Variants in KCNMA1 observed in about 807,000 individuals in gnomAD.
KCNMA1 encodes the protein potassium calcium-activated channel subfamily M alpha 1, also known as Calcium-activated potassium channel subunit alpha-1.
In KCNMA1, 29 loss-of-function variants were observed where a neutral mutation model predicts 140.0. The observed-to-expected ratio is 0.21, with a 90% CI of 0.15 to 0.28. KCNMA1 has a LOEUF of 0.28. Ranked by LOEUF, KCNMA1 falls within the 10% of genes least tolerant of loss-of-function variation. KCNMA1 has a pLI of 1.00. For missense variants in KCNMA1, 880 were observed against 1,602.2 expected, an observed-to-expected ratio of 0.55 and a Z score of 7.70; for synonymous variants, 612 against 611.9, an observed-to-expected ratio of 1.00 and a Z score of 0.00.
intron 23 of KCNMA1, among the ~76,000 whole-genome samples, chr10:76,921,835 A>G (rs79817686): frequency 0.011 from 1,600 of 152,350 alleles, 24 homozygotes; most frequent in African/African-American, 0.034. Flanking sequence ...GAAAAACCTC[A>G]GTTTAACCTT....
chr10:77,170,313 T>A lies in KCNMA1; in HGVS notation c.808+13108A>T, dbSNP rs138173982. On this transcript the variant is annotated intron_variant, in intron 5 of 27. Transcript: ENST00000286628. ...GCCTGGGCATCTCAGTGTCTGCAAGTGAGATGACTGGGAAAGAAGATTTGT... is the reference window on the plus strand; with the variant it reads ...GCCTGGGCATCTCAGTGTCTGCAAGAGAGATGACTGGGAAAGAAGATTTGT... Among the ~76,000 whole-genome samples, 237 of 152,346 alleles carry A rather than the reference T, an allele frequency of 1.6e-3. 2 individuals are homozygous for A. The highest frequency in any genetic ancestry group is 9.1e-3 in the East Asian group (47 of 5,172).
At chr10:77,459,394 A>G (rs1276984692) in intron 1 of KCNMA1, among the ~76,000 whole-genome samples, 1 of 152,268 alleles carries the variant, frequency 6.6e-6, no homozygotes, top group Non-Finnish European at 1.5e-5. Context: ...TTTGTGATCT[A>G]CAGCAGGCAG....
rs2093909725 is a variant in KCNMA1 at position 77,637,666 on chromosome 10, A to C, written c.-24T>G. ...ATAGCTAGCAACGGGCAGCCGGCGC[A>C]GGGGCTCGGGGGAGCTCCTCCCGCC... On this transcript the variant is annotated 5_prime_UTR_variant, in exon 1 of 28. Coordinates refer to ENST00000286628, the MANE Select transcript of KCNMA1 (RefSeq NM_001161352.2). 1 of 1,485,528 alleles carries C rather than the reference A, an allele frequency of 6.7e-7. No individual in the cohort carries two copies. Among genetic ancestry groups the C allele is most frequent in the Non-Finnish European group, 8.9e-7 (1 of 1,125,926 alleles). The allele number at this position is 1,485,528 out of a possible 1,614,324, so 92.0% of individuals were successfully genotyped here.
intron 1 of KCNMA1, among the ~76,000 whole-genome samples, chr10:77,462,188 A>G (rs1290428202): frequency 6.6e-6 from 1 of 152,158 alleles, no homozygotes; most frequent in Non-Finnish European, 1.5e-5. Flanking sequence ...ACACATGCAC[A>G]CTAACATAAA....
At chr10:77,336,751 C>T (rs1364568775) in intron 2 of KCNMA1, among the ~76,000 whole-genome samples, 1 of 152,198 alleles carries the variant, frequency 6.6e-6, no homozygotes, top group Non-Finnish European at 1.5e-5. Flanking sequence ...TCAGCTGACA[C>T]AGCCAGAGAG....
At chr10:77,619,015 G>A (rs1400769607) in intron 1 of KCNMA1, among the ~76,000 whole-genome samples, 1 of 152,170 alleles carries the variant, frequency 6.6e-6, no homozygotes, top group Non-Finnish European at 1.5e-5. Context: ...GGTGTGGAGA[G>A]CTTGGGAAGA....
intron 12 of KCNMA1, among the ~76,000 whole-genome samples, chr10:77,082,002 CTTTTCTTT>C (rs1401537780): frequency 2.0e-3 from 104 of 51,586 alleles, no homozygotes; most frequent in Non-Finnish European, 3.7e-3. Flanking sequence ...TTCTTTTTTT[CTTTTCTTT>C]TTTTTTTTTT....
At chr10:77,387,672 C>T (rs2095663854) in intron 2 of KCNMA1, among the ~76,000 whole-genome samples, 1 of 146,366 alleles carries the variant, frequency 6.8e-6, no homozygotes, top group South Asian at 2.2e-4. Context: ...GGTTGGAGTC[C>T]AGTAGCGTGA....
At chr10:77,357,838 T>C (rs2093627654) in intron 2 of KCNMA1, among the ~76,000 whole-genome samples, 1 of 152,110 alleles carries the variant, frequency 6.6e-6, no homozygotes, top group African/African-American at 2.4e-5. Context: ...AACTGTAAGC[T>C]GGTGAAATGC....
chr10:77,080,377 C>T (rs1219742355), intron 12 of KCNMA1, among the ~76,000 whole-genome samples: 1 of 152,178 alleles, frequency 6.6e-6, no homozygotes, highest in Non-Finnish European at 1.5e-5. Context: ...TCCTTCTGCC[C>T]TACCATCAGC....
rs139197950 is a variant in KCNMA1 at position 77,153,514 on chromosome 10, G to A, written c.808+29907C>T. Reference sequence around the variant, plus strand: ...AGCGTCCTGCATAGCTGGGACTACAGGCATGCACCTCTACATCCAGCTAAT... The same window carrying A: ...AGCGTCCTGCATAGCTGGGACTACAAGCATGCACCTCTACATCCAGCTAAT... On this transcript the variant is annotated intron_variant, in intron 5 of 27. Transcript: ENST00000286628. Among the ~76,000 whole-genome samples the A allele has an allele frequency of 4.7e-3, 712 of 152,152 alleles. 3 individuals are homozygous for A. The highest frequency in any genetic ancestry group is 7.7e-3 in the Admixed American group (118 of 15,278).
chr10:77,029,599 T>C (rs1215660735), intron 15 of KCNMA1, among the ~76,000 whole-genome samples: 1 of 152,158 alleles, frequency 6.6e-6, no homozygotes, highest in East Asian at 1.9e-4. Context: ...TCCTAGATGA[T>C]GACAAGTTCT....
chr10:77,237,751 C>T (rs896126234), intron 3 of KCNMA1, among the ~76,000 whole-genome samples: 9 of 152,120 alleles, frequency 5.9e-5, no homozygotes, highest in African/African-American at 2.2e-4. Context: ...TTTCATTCCC[C>T]GCCAGAGCTG....
chr10:77,560,571 G>A (rs747480498), intron 1 of KCNMA1, among the ~76,000 whole-genome samples: 1 of 152,188 alleles, frequency 6.6e-6, no homozygotes, highest in Non-Finnish European at 1.5e-5. Context: ...TTTCTTCTAA[G>A]CAGCTCTGGC....
intron 2 of KCNMA1, among the ~76,000 whole-genome samples, chr10:77,319,736 A>G (rs2081840922): frequency 6.6e-6 from 1 of 152,232 alleles, no homozygotes; most frequent in Admixed American, 6.5e-5. Flanking sequence ...TCTTAGCCAG[A>G]GCAGTTCACC....
intron 1 of KCNMA1, among the ~76,000 whole-genome samples, chr10:77,574,494 T>C (rs2073265251): frequency 6.6e-6 from 1 of 152,208 alleles, no homozygotes; most frequent in Non-Finnish European, 1.5e-5. Flanking sequence ...CCAGGCATTC[T>C]GTATTAAAAT....
intron 1 of KCNMA1, among the ~76,000 whole-genome samples, chr10:77,463,338 T>A (rs1315691594): frequency 6.6e-6 from 1 of 152,160 alleles, no homozygotes; most frequent in South Asian, 2.1e-4. Context: ...TGTCACCCTA[T>A]CTGGACCTCA....
At chr10:77,209,253 A>G (rs758412096) in intron 3 of KCNMA1, among the ~76,000 whole-genome samples, 70 of 152,222 alleles carry the variant, frequency 4.6e-4, no homozygotes, top group Non-Finnish European at 5.1e-4. Flanking sequence ...CACCCTCTAC[A>G]ATGTCTTCAT....
At chr10:77,288,017 G>A (rs1468315673) in intron 2 of KCNMA1, among the ~76,000 whole-genome samples, 1 of 152,182 alleles carries the variant, frequency 6.6e-6, no homozygotes, top group East Asian at 1.9e-4. Flanking sequence ...TATCACTCCT[G>A]GTTGGCAAAC....
Sources: allele counts gnomAD v4.1 joint callset (sites outside exome capture counted in the v4.1 genomes callset), GRCh38; gene constraint gnomAD v4.1.1; transcripts MANE v1.5; gene names NCBI Gene and HGNC (gene_info 2026-07-23, HGNC 2026-07-21).